The following SERP2 variants were observed in gnomAD, a reference collection of about 807,000 sequenced individuals.
The protein encoded by SERP2 is stress-associated endoplasmic reticulum protein 2.
Under a neutral mutation model 9.1 loss-of-function variants are expected in SERP2, and 6 were observed. The observed-to-expected ratio is 0.66, with a 90% CI of 0.36 to 1.30. SERP2 has a LOEUF of 1.30. Among genes scored for constraint, SERP2 ranks in the 50% most tolerant of loss-of-function variants. The pLI is 0.03. For missense variants in SERP2, 58 were observed against 81.9 expected (o/e 0.71, Z 1.13); for synonymous variants, 37 against 27.3 (o/e 1.35, Z -1.10).
intron 1 of SERP2, among the ~76,000 whole-genome samples, chr13:44,375,571 G>A (rs1434622011): frequency 6.6e-6 from 1 of 152,150 alleles, no homozygotes; most frequent in Admixed American, 6.5e-5. Context: ...TATAATTGAT[G>A]TTAAGGCATG....
intron 1 of SERP2, 42 bp downstream of exon 1, chr13:44,374,151 C>CCGGG: frequency 9.9e-6 from 3 of 303,958 alleles, no homozygotes; most frequent in Non-Finnish European, 1.7e-5. Flanking sequence ...CCCTGCAGCC[C>CCGGG]GGCGGGGTGG....
At position 44,388,879 on chromosome 13, in the gene SERP2, C is replaced by G. The variant is rs145772066; in HGVS notation, c.158-8393C>G. Reference sequence around the variant, plus strand: ...TCTCCATTTCTGGAAGGGCCACACCCAAACTTTCCCCAGGACTGGCTGTTC... The same window carrying G: ...TCTCCATTTCTGGAAGGGCCACACCGAAACTTTCCCCAGGACTGGCTGTTC... On this transcript the variant is annotated intron_variant, in intron 2 of 2. Transcript: ENST00000379179. Among the ~76,000 whole-genome samples the G allele has an allele frequency of 2.7e-3, 417 of 152,298 alleles. 1 individual carries two copies. The highest frequency in any genetic ancestry group is 9.8e-3 in the African/African-American group (406 of 41,560).
intron 1 of SERP2, 118 bp from the exon 2 acceptor site, chr13:44,379,523 A>T: frequency 1.5e-6 from 1 of 671,924 alleles, no homozygotes; most frequent in Non-Finnish European, 2.6e-6. Context: ...AGGGATTGAA[A>T]CCAAGTCTGT....
In SERP2 at chr13:44,397,539, G is replaced by A; in HGVS notation, c.*227G>A. 1.7e-6 allele frequency: 1 copy of A among 576,150 alleles called. No individual in the cohort carries two copies. Among genetic ancestry groups the A allele is most frequent in the South Asian group, 2.0e-5 (1 of 49,276 alleles). The allele number at this position is 576,150 out of a possible 1,614,324, so 35.7% of individuals were successfully genotyped here. On this transcript the variant is annotated 3_prime_UTR_variant, in exon 3 of 3. Transcript: ENST00000379179. ...GGAAAGGACATTTTGCTTTTCTGTT[G>A]GCAGGATTAGTAGCCACGCGGGTCG...
chr13:44,389,828 T>C (rs1035900781), intron 2 of SERP2, among the ~76,000 whole-genome samples: 1 of 152,192 alleles, frequency 6.6e-6, no homozygotes, highest in Non-Finnish European at 1.5e-5. Context: ...CATACAACTG[T>C]TTTGGCTACC....
At chr13:44,384,291 T>C (rs1197464544) in intron 2 of SERP2, among the ~76,000 whole-genome samples, 2 of 152,208 alleles carry the variant, frequency 1.3e-5, no homozygotes, top group African/African-American at 4.8e-5. Flanking sequence ...AACCGACTAT[T>C]CCCTCTAGAG....
At chr13:44,393,572 C>T (rs2138798766) in intron 2 of SERP2, among the ~76,000 whole-genome samples, 2 of 152,266 alleles carry the variant, frequency 1.3e-5, no homozygotes, top group South Asian at 4.1e-4. Flanking sequence ...TTCTTGGCAT[C>T]TCTCCTCCCC....
intron 1 of SERP2, among the ~76,000 whole-genome samples, chr13:44,378,170 G>T (rs900566784): frequency 1.3e-5 from 2 of 152,272 alleles, no homozygotes; most frequent in East Asian, 3.9e-4. Context: ...ATTTACATTA[G>T]CCTAGAACTT....
chr13:44,382,666 T>C lies in SERP2; in HGVS notation c.157+2953T>C, dbSNP rs959941364. On this transcript the variant is annotated intron_variant, in intron 2 of 2. Coordinates refer to ENST00000379179, the MANE Select transcript of SERP2 (RefSeq NM_001010897.3). ...ATATATTATTCTTCCAAGTCACTGA[T>C]AAAAGTCTAGACTTGGAGAAACCCA... Among the ~76,000 whole-genome samples the C allele has an allele frequency of 4.6e-5, 7 of 152,118 alleles. No homozygotes were observed. The East Asian group carries it at 1.3e-3, about 29-fold the overall frequency.
chr13:44,373,665 C>G (rs1048882778), upstream of SERP2: 27 of 236,078 alleles, frequency 1.1e-4, no homozygotes, highest in African/African-American at 6.2e-4. This position sits in a 1 kb window ranked among gnomAD's most constrained non-coding sequence, Gnocchi z 4.8. Flanking sequence ...GCTACAGGAC[C>G]GCGACACTGC....
In SERP2 at chr13:44,373,852, G is replaced by C. The variant is rs1871451686; in HGVS notation, c.-174G>C. 2 of 553,600 alleles carry C rather than the reference G, an allele frequency of 3.6e-6. No homozygotes were observed. The allele number at this position is 553,600 out of a possible 1,614,324, so 34.3% of individuals were successfully genotyped here. On this transcript the variant is annotated 5_prime_UTR_variant, in exon 1 of 3. Transcript: ENST00000379179. The surrounding 1 kb of genome is among the most constrained non-coding windows in gnomAD (Gnocchi z 4.8). ...TCCGTCCGGGCTGCGGCCTCTCTCT[G>C]GAGTCGGCTAGCCGGGGCTCGGGGA...
At chr13:44,377,594 GC>G (rs763744017) in intron 1 of SERP2, among the ~76,000 whole-genome samples, 1 of 152,240 alleles carries the variant, frequency 6.6e-6, no homozygotes. Context: ...TGACTTGCCG[GC>G]ATGTAAGTGG....
At chr13:44,380,266 T>C (rs991627604) in intron 2 of SERP2, among the ~76,000 whole-genome samples, 2 of 152,144 alleles carry the variant, frequency 1.3e-5, no homozygotes, top group Admixed American at 6.5e-5. Flanking sequence ...CATCGTGCCA[T>C]TGTTTCTAGT....
At chr13:44,380,507 C>G (rs1050187084) in intron 2 of SERP2, among the ~76,000 whole-genome samples, 84 of 151,974 alleles carry the variant, frequency 5.5e-4, no homozygotes, top group Non-Finnish European at 1.0e-3. Context: ...AAGCCCATGA[C>G]TAAAGATGAA....
chr13:44,373,735 G>C (rs1683771222), upstream of SERP2: 4 of 380,330 alleles, frequency 1.1e-5, no homozygotes, highest in South Asian at 1.6e-4. This position sits in a 1 kb window ranked among gnomAD's most constrained non-coding sequence, Gnocchi z 4.8. Flanking sequence ...GTGCGGTCGC[G>C]CCTGCCTCGG....
chr13:44,392,883 A>G (rs1236121367), intron 2 of SERP2, among the ~76,000 whole-genome samples: 1 of 152,152 alleles, frequency 6.6e-6, no homozygotes, highest in African/African-American at 2.4e-5. Context: ...GAACGTAAGG[A>G]GAAGAAAGCC....
At position 44,375,082 on chromosome 13, in the gene SERP2, T is replaced by TC. The variant is rs1235899730; in HGVS notation, c.84+975dup. Among the ~76,000 whole-genome samples the TC allele has an allele frequency of 3.3e-5, 5 of 152,288 alleles. No individual in the cohort carries two copies. The South Asian group carries it at 8.3e-4, about 25-fold the overall frequency. ...CATGGGTAGTTTGGCGAAGTTGGTCTCCAAGTATATGAGCAAAGGCGCCTG... is the reference window on the plus strand; with the variant it reads ...CATGGGTAGTTTGGCGAAGTTGGTCTCCCAAGTATATGAGCAAAGGCGCCTG... On this transcript the variant is annotated intron_variant, in intron 1 of 2. Transcript: ENST00000379179.
chr13:44,383,540 T>C (rs1595051379), intron 2 of SERP2, among the ~76,000 whole-genome samples: 1 of 89,860 alleles, frequency 1.1e-5, no homozygotes, highest in East Asian at 2.3e-4. Flanking sequence ...CTCTGGAGGT[T>C]TGCGTTTTTT....
chr13:44,379,853 T>C lies in SERP2; in HGVS notation c.157+140T>C, dbSNP rs1262229991. 4 of 591,762 alleles carry C rather than the reference T, an allele frequency of 6.8e-6. No individual in the cohort carries two copies. The East Asian group carries it at 8.2e-5, about 12-fold the overall frequency. The allele number at this position is 591,762 out of a possible 1,614,324, so 36.7% of individuals were successfully genotyped here. ...TCACTGCCTTAAGCCTTAATCTTAA[T>C]GGGTTTTGATTTAGTTTCTATTCCA... On this transcript the variant is annotated intron_variant, in intron 2 of 2. Coordinates refer to ENST00000379179, the MANE Select transcript of SERP2 (RefSeq NM_001010897.3).
Sources: allele counts gnomAD v4.1 joint callset (sites outside exome capture counted in the v4.1 genomes callset), GRCh38; gene constraint gnomAD v4.1.1; non-coding constraint Gnocchi (gnomAD v3.1); transcripts MANE v1.5; gene names NCBI Gene and HGNC (gene_info 2026-07-23, HGNC 2026-07-21).